REM1: variants seen among roughly 807,000 people sequenced by gnomAD.
REM1 encodes the protein RRAD and GEM like GTPase 1.
REM1 carries 20 observed loss-of-function variants against 27.0 expected under a neutral mutation model. The ratio of observed to expected loss-of-function variants is 0.74; its 90% CI spans 0.52 to 1.08. The LOEUF is 1.08. Among genes scored for constraint, REM1 ranks in the 50% least tolerant of loss-of-function variants. The pLI is 0.00. For synonymous variants in REM1, 159 were observed against 167.9 expected, an observed-to-expected ratio of 0.95 and a Z score of 0.41; for missense variants, 405 against 407.0, an observed-to-expected ratio of 1.00 and a Z score of 0.04.
Position 31,484,546 on chromosome 20 carries a change from C to A in REM1, c.*116C>A. The stretch of plus-strand genomic sequence containing the variant: ...AGTCTGCATCATGGGTCTTGCTTGC[C>A]TGCTGCCCTGATGGCCTGAGCATCC... On this transcript the variant is annotated 3_prime_UTR_variant, in exon 5 of 5. Coordinates refer to ENST00000201979, the MANE Select transcript of REM1 (RefSeq NM_014012.6). 1 of 1,267,890 alleles carries A rather than the reference C, an allele frequency of 7.9e-7. No individual in the cohort carries two copies. Among genetic ancestry groups the A allele is most frequent in the Non-Finnish European group, 1.0e-6 (1 of 961,508 alleles). The allele number at this position is 1,267,890 out of a possible 1,614,324, so 78.5% of individuals were successfully genotyped here. A position where few individuals can be genotyped will look rare whatever the true frequency, so the allele number is the denominator to read the frequency against.
rs780128939 is a variant in REM1, at chr20:31,476,491, C to T, written c.46C>T (p.Arg16Ter). ...GGAAGCAAAGACCCCTCTGCACCGGCGAGCCAGCACCCCACTGCCCCTGTC... is the reference window on the plus strand; with the variant it reads ...GGAAGCAAAGACCCCTCTGCACCGGTGAGCCAGCACCCCACTGCCCCTGTC... ...EQEAKTPLHR[R>*]ASTPLPLSPR... The change falls in exon 2 of 5, where the codon CGA becomes TGA. Residue 16 changes from arginine (R) to a stop codon, truncating the protein, a stop_gained. Transcript: ENST00000201979. LOFTEE classifies it high-confidence loss of function. 1.2e-5 allele frequency: 19 copies of T among 1,611,808 alleles called. No homozygotes were observed. The highest frequency in any genetic ancestry group is 5.0e-5 in the Admixed American group (3 of 59,714).
chr20:31,484,176 G>T lies in REM1; in HGVS notation c.643G>T (p.Val215Leu). 6.3e-7 allele frequency: 1 copy of T among 1,599,876 alleles called. No individual in the cohort carries two copies. Among genetic ancestry groups the T allele is most frequent in the South Asian group, 1.1e-5 (1 of 89,432 alleles). Residue 215 changes from valine to leucine, a missense_variant, in exon 5 of 5, where the codon GTG (valine) becomes TTG (leucine). Physicochemically the swap from Val to Leu is conservative, Grantham distance 32. Transcript: ENST00000201979. ...CCCCTTAGAGGGCCGCGCCTGCGCT[G>T]TGGTGTTCGACTGTAAATTCATCGA... ...VSVEEGRACA[V>L]VFDCKFIETS...
Position 31,476,329 on chromosome 20 carries a change from C to G in REM1, c.-117C>G, listed in dbSNP as rs891151378. 8.5e-6 allele frequency: 7 copies of G among 820,684 alleles called. No homozygotes were observed. In the African/African-American group the frequency reaches 1.2e-4, roughly 14 times the overall value. 50.8% of individuals were successfully genotyped at this position (820,684 alleles called of 1,614,324 possible). On this transcript the variant is annotated 5_prime_UTR_variant, in exon 2 of 5. Transcript: ENST00000201979. ...AACAAGAGGGGGATCTGGAAGAAGC[C>G]ATACAGCAGCTCATCAGGACACTAT...
At chr20:31,481,438 G>A (rs1176670226) in intron 3 of REM1, among the ~76,000 whole-genome samples, 3 of 151,780 alleles carry the variant, frequency 2.0e-5, no homozygotes, top group African/African-American at 7.3e-5. Context: ...AGTCCCCTGT[G>A]AAGCCCTCGC....
chr20:31,476,209 C>T lies in REM1; in HGVS notation c.-219-18C>T, dbSNP rs917617419. On this transcript the variant is annotated intron_variant, in intron 1 of 4. Coordinates refer to ENST00000201979, the MANE Select transcript of REM1 (RefSeq NM_014012.6). ...TGTGTTCACAGCCTGCACACTCACTCCTTCCATCCGGATCCAGGTTTATGC... is the reference window on the plus strand; with the variant it reads ...TGTGTTCACAGCCTGCACACTCACTTCTTCCATCCGGATCCAGGTTTATGC... The T allele has an allele frequency of 4.6e-5, 24 of 523,366 alleles. No individual in the cohort carries two copies. The highest frequency in any genetic ancestry group is 7.7e-5 in the Non-Finnish European group (23 of 299,020). 32.4% of individuals were successfully genotyped at this position (523,366 alleles called of 1,614,324 possible). A position where few individuals can be genotyped will look rare whatever the true frequency, so the allele number is the denominator to read the frequency against.
intron 3 of REM1, among the ~76,000 whole-genome samples, chr20:31,478,581 T>C (rs1247038585): frequency 5.3e-5 from 8 of 152,178 alleles, no homozygotes; most frequent in African/African-American, 1.4e-4. Context: ...TTTTGCTACA[T>C]GGGTAATACA....
chr20:31,484,598 G>A lies in REM1; in HGVS notation c.*168G>A. ...CCAGATCCAAGCCTGGGGGATCCCGGGAAAGCGATGGACAGACAGACGATG... is the reference window on the plus strand; with the variant it reads ...CCAGATCCAAGCCTGGGGGATCCCGAGAAAGCGATGGACAGACAGACGATG... On this transcript the variant is annotated 3_prime_UTR_variant, in exon 5 of 5. Coordinates refer to ENST00000201979, the MANE Select transcript of REM1 (RefSeq NM_014012.6). 1.2e-6 allele frequency: 1 copy of A among 837,896 alleles called. No individual in the cohort carries two copies. The highest frequency in any genetic ancestry group is 1.7e-6 in the Non-Finnish European group (1 of 585,198). The allele number at this position is 837,896 out of a possible 1,614,324, so 51.9% of individuals were successfully genotyped here. A position where few individuals can be genotyped will look rare whatever the true frequency, so the allele number is the denominator to read the frequency against.
chr20:31,481,749 GC>G (rs1287335040), intron 3 of REM1, among the ~76,000 whole-genome samples: 1 of 152,138 alleles, frequency 6.6e-6, no homozygotes, highest in Non-Finnish European at 1.5e-5. Flanking sequence ...TTCTTAAAGT[GC>G]CCCTTGACTG....
Position 31,484,423 on chromosome 20 carries a change from T to A in REM1, c.890T>A (p.Val297Glu). 2 of 1,509,604 alleles carry A rather than the reference T, an allele frequency of 1.3e-6. No individual in the cohort carries two copies. Among genetic ancestry groups the A allele is most frequent in the Non-Finnish European group, 1.8e-6 (2 of 1,127,868 alleles). 93.5% of individuals were successfully genotyped at this position (1,509,604 alleles called of 1,614,324 possible). A position where few individuals can be genotyped will look rare whatever the true frequency, so the allele number is the denominator to read the frequency against. ...ARSKSCHNLA[V>E]L ...TCCAAGTCCTGCCACAATCTGGCCGTGCTCTGAAGCCCCCCGCCCTTCTGA... is the reference window on the plus strand; with the variant it reads ...TCCAAGTCCTGCCACAATCTGGCCGAGCTCTGAAGCCCCCCGCCCTTCTGA... The change falls in exon 5 of 5, where the codon GTG (valine) becomes GAG (glutamate). Residue 297 changes from valine (V) to glutamate (E), a missense_variant. Coordinates refer to ENST00000201979, the MANE Select transcript of REM1 (RefSeq NM_014012.6).
chr20:31,476,895 T>A, intron 2 of REM1, 110 bp downstream of exon 2: 2 of 887,072 alleles, frequency 2.3e-6, no homozygotes, highest in Non-Finnish European at 3.3e-6. Flanking sequence ...TGTTCAACTC[T>A]AAGGGGCATC....
Position 31,484,362 on chromosome 20 carries a change from G to C in REM1, c.829G>C (p.Ala277Pro). ...RARRFLARLT[A>P]RSARRRALKA... is the part of the protein sequence containing the mutation. ...TCGTCGCTTCCTGGCACGCCTGACAGCCCGCAGCGCACGCCGCCGGGCACT... is the reference window on the plus strand; with the variant it reads ...TCGTCGCTTCCTGGCACGCCTGACACCCCGCAGCGCACGCCGCCGGGCACT... Residue 277 changes from alanine to proline, a missense_variant, in exon 5 of 5, where the codon GCC becomes CCC. Ala to Pro is a conservative substitution (Grantham distance 27, BLOSUM62 -1). Coordinates refer to ENST00000201979, the MANE Select transcript of REM1 (RefSeq NM_014012.6). 1 of 1,557,942 alleles carries C rather than the reference G, an allele frequency of 6.4e-7. No individual in the cohort carries two copies.
rs768768449 is a variant in REM1, at chr20:31,482,434, A to C, written c.571A>C (p.Ile191Leu). 18 of 1,614,054 alleles carry C rather than the reference A, an allele frequency of 1.1e-5. No individual in the cohort carries two copies. Among genetic ancestry groups the C allele is most frequent in the Non-Finnish European group, 1.5e-5 (18 of 1,180,026 alleles). ...ACATCAGGCAGACCATGTGCCCATCATCCTCGTGGGCAACAAGGCAGACTT... is the reference window on the plus strand; with the variant it reads ...ACATCAGGCAGACCATGTGCCCATCCTCCTCGTGGGCAACAAGGCAGACTT... ...RTHQADHVPI[I>L]LVGNKADLAR... Residue 191 changes from isoleucine (I) to leucine (L), a missense_variant, in exon 4 of 5, where the codon ATC becomes CTC. Coordinates refer to ENST00000201979, the MANE Select transcript of REM1 (RefSeq NM_014012.6).
Position 31,482,335 on chromosome 20 carries a change from G to A in REM1, c.472G>A (p.Val158Ile). Residue 158 changes from valine to isoleucine, a missense_variant, in exon 4 of 5, where the codon GTC becomes ATC. By Grantham distance (29) the Val-to-Ile change is conservative. Coordinates refer to ENST00000201979, the MANE Select transcript of REM1 (RefSeq NM_014012.6). ...ESCLQGGSAYVIVYSIADRGS... is the reference protein window; with the variant it reads ...ESCLQGGSAYIIVYSIADRGS... ...ATGCCTGCAGGGGGGCAGTGCCTATGTCATCGTATACTCCATCGCAGACCG... is the reference window on the plus strand; with the variant it reads ...ATGCCTGCAGGGGGGCAGTGCCTATATCATCGTATACTCCATCGCAGACCG... 3 of 1,614,194 alleles carry A rather than the reference G, an allele frequency of 1.9e-6. No individual in the cohort carries two copies. The highest frequency in any genetic ancestry group is 2.2e-5 in the East Asian group (1 of 44,888).
At position 31,475,998 on chromosome 20, in the gene REM1, G is replaced by A. The variant is rs1236629524; in HGVS notation, c.-219-229G>A. Among the ~76,000 whole-genome samples, 1 of 152,176 alleles carries A rather than the reference G, an allele frequency of 6.6e-6. No homozygotes were observed. Among genetic ancestry groups the A allele is most frequent in the African/African-American group, 2.4e-5 (1 of 41,446 alleles). The stretch of plus-strand genomic sequence containing the variant: ...AGAGCGGTGGGGAAGGGGAGGAGGG[G>A]GACAATTCAGATGTCTTTCAGAGCC... On this transcript the variant is annotated intron_variant, in intron 1 of 4. Coordinates refer to ENST00000201979, the MANE Select transcript of REM1 (RefSeq NM_014012.6). This position sits in a 1 kb window ranked among gnomAD's most constrained non-coding sequence, Gnocchi z 5.0.
At chr20:31,478,852 T>A (rs1031199249) in intron 3 of REM1, among the ~76,000 whole-genome samples, 4 of 151,244 alleles carry the variant, frequency 2.6e-5, no homozygotes, top group Non-Finnish European at 4.4e-5. Flanking sequence ...TTTTTTTTTT[T>A]AGACAGAGTT....
chr20:31,479,568 A>G (rs900505832), intron 3 of REM1, among the ~76,000 whole-genome samples: 3 of 152,206 alleles, frequency 2.0e-5, no homozygotes, highest in Non-Finnish European at 4.4e-5. Flanking sequence ...TTTTGCAACC[A>G]GCAAAATTAG....
At position 31,482,423 on chromosome 20, in the gene REM1, A is replaced by G. The variant is rs779937636; in HGVS notation, c.560A>G (p.His187Arg). The change falls in exon 4 of 5, where the codon CAT becomes CGT. Residue 187 changes from histidine to arginine, a missense_variant. Coordinates refer to ENST00000201979, the MANE Select transcript of REM1 (RefSeq NM_014012.6). ...CTGCGGCGCACACATCAGGCAGACC[A>G]TGTGCCCATCATCCTCGTGGGCAAC... ...IQLRRTHQAD[H>R]VPIILVGNKA... 2 of 1,614,126 alleles carry G rather than the reference A, an allele frequency of 1.2e-6. No homozygotes were observed. Among genetic ancestry groups the G allele is most frequent in the Middle Eastern group, 1.6e-4 (1 of 6,062 alleles).
intron 4 of REM1, among the ~76,000 whole-genome samples, chr20:31,483,774 C>CAA (rs549633656): frequency 8.2e-4 from 84 of 102,510 alleles, no homozygotes; most frequent in South Asian, 2.7e-3. Flanking sequence ...AACAGACATC[C>CAA]AAAAAAAAAA....
chr20:31,484,041 C>T (rs2233834), intron 4 of REM1, 118 bp from the exon 5 acceptor site: 163,900 of 1,150,112 alleles, frequency 0.14, 15,554 homozygotes, highest in African/African-American at 0.44. Flanking sequence ...CAGACAGCAG[C>T]ACCAGGCATG....
Sources: gnomAD v4.1 joint callset for allele counts (sites outside exome capture counted in the v4.1 genomes callset) on GRCh38, gnomAD v4.1.1 for gene constraint, Gnocchi (gnomAD v3.1) non-coding constraint, MANE v1.5 for transcripts, NCBI Gene and HGNC (gene_info 2026-07-23, HGNC 2026-07-21) for gene names.